The following MPLKIP variants were observed in gnomAD, a reference collection of about 807,000 sequenced individuals.
MPLKIP encodes M-phase-specific PLK1-interacting protein.
MPLKIP carries 16 observed loss-of-function variants against 16.9 expected under a neutral mutation model. That is an observed-to-expected ratio of 0.94 (90% CI 0.64 to 1.43). The LOEUF (loss-of-function observed/expected upper bound fraction) is 1.43, where lower values mean the gene tolerates loss of function less well. MPLKIP is among the 40% of genes most tolerant of loss of function. MPLKIP has a pLI of 0.00. For missense variants in MPLKIP, 282 were observed against 237.6 expected, an observed-to-expected ratio of 1.19 and a Z score of -1.23; for synonymous variants, 126 against 98.4, an observed-to-expected ratio of 1.28 and a Z score of -1.66.
chr7:40,134,584 G>T lies in MPLKIP; in HGVS notation c.-17C>A, dbSNP rs767715729. On this transcript the variant is annotated 5_prime_UTR_variant, in exon 1 of 2. Coordinates refer to ENST00000306984, the MANE Select transcript of MPLKIP (RefSeq NM_138701.4). Reference sequence around the variant, plus strand: ...TCGCTGCATATCAGGAGCCAAAGCCGAAAACCTCGCAGCCGCGTTCTCCCA... The same window carrying T: ...TCGCTGCATATCAGGAGCCAAAGCCTAAAACCTCGCAGCCGCGTTCTCCCA... The T allele has an allele frequency of 1.3e-6, 2 of 1,570,770 alleles. No individual in the cohort carries two copies. The highest frequency in any genetic ancestry group is 1.9e-5 in the Admixed American group (1 of 53,822).
rs1486518650 is a variant in MPLKIP, at chr7:40,134,601, GT to G, written c.-35del. 1 of 1,549,624 alleles carries G rather than the reference GT, an allele frequency of 6.5e-7. No homozygotes were observed. The highest frequency in any genetic ancestry group is 8.7e-7 in the Non-Finnish European group (1 of 1,149,038). The stretch of plus-strand genomic sequence containing the variant: ...CCAAAGCCGAAAACCTCGCAGCCGC[GT>G]TCTCCCACCGGAACTGTATCAACCG... On this transcript the variant is annotated 5_prime_UTR_variant, in exon 1 of 2. Coordinates refer to ENST00000306984, the MANE Select transcript of MPLKIP (RefSeq NM_138701.4).
chr7:40,134,621 T>C lies in MPLKIP; in HGVS notation c.-54A>G. 1 of 1,520,740 alleles carries C rather than the reference T, an allele frequency of 6.6e-7. No homozygotes were observed. The highest frequency in any genetic ancestry group is 8.9e-7 in the Non-Finnish European group (1 of 1,128,078). 94.2% of individuals were successfully genotyped at this position (1,520,740 alleles called of 1,614,324 possible). A position where few individuals can be genotyped will look rare whatever the true frequency, so the allele number is the denominator to read the frequency against. ...GCCGCGTTCTCCCACCGGAACTGTA[T>C]CAACCGGCCCTCCGCAGAGAACTGC... On this transcript the variant is annotated 5_prime_UTR_variant, in exon 1 of 2. Transcript: ENST00000306984.
Position 40,126,310 on chromosome 7 carries a change from G to C in MPLKIP, c.*6749C>G, listed in dbSNP as rs1023629648. 1 of 152,260 alleles carries C rather than the reference G, an allele frequency of 6.6e-6. No homozygotes were observed. The highest frequency in any genetic ancestry group is 2.4e-5 in the African/African-American group (1 of 41,566). 9.4% of individuals were successfully genotyped at this position (152,260 alleles called of 1,614,324 possible). On this transcript the variant is annotated 3_prime_UTR_variant, in exon 2 of 2. Transcript: ENST00000306984. Reference sequence around the variant, plus strand: ...TGGCTTTTGTTTGTACACAATTTTAGATTTATTCATGTTGTATCAAATGGC... The same window carrying C: ...TGGCTTTTGTTTGTACACAATTTTACATTTATTCATGTTGTATCAAATGGC...
intron 1 of MPLKIP, 67 bp downstream of exon 1, chr7:40,134,161 TA>T: frequency 6.6e-7 from 1 of 1,505,968 alleles, no homozygotes; most frequent in Non-Finnish European, 9.0e-7. Context: ...ATAATCCACG[TA>T]AAGGGAATAT....
Position 40,134,506 on chromosome 7 carries a change from C to CAACCTCCTCCACCCG in MPLKIP, c.47_61dup (p.Gly20_Trp21insSerGlyGlyGlyGly). The CAACCTCCTCCACCCG allele has an allele frequency of 1.3e-6, 2 of 1,588,432 alleles. No homozygotes were observed. The highest frequency in any genetic ancestry group is 2.3e-5 in the South Asian group (2 of 87,682). On this transcript the variant is annotated inframe_insertion, in exon 1 of 2. Transcript: ENST00000306984. ...TCCCCGGAAGCTGCTTCCGCTACCCCAACCTCCTCCACCCGGACCAGGGTA... is the reference window on the plus strand; with the variant it reads ...TCCCCGGAAGCTGCTTCCGCTACCCCAACCTCCTCCACCCGAACCTCCTCCACCCGGACCAGGGTA...
In MPLKIP at chr7:40,132,681, G is replaced by A. The variant is rs1787478686; in HGVS notation, c.*378C>T. 1 of 286,764 alleles carries A rather than the reference G, an allele frequency of 3.5e-6. No homozygotes were observed. Among genetic ancestry groups the A allele is most frequent in the African/African-American group, 2.2e-5 (1 of 44,604 alleles). 17.8% of individuals were successfully genotyped at this position (286,764 alleles called of 1,614,324 possible). On this transcript the variant is annotated 3_prime_UTR_variant, in exon 2 of 2. Transcript: ENST00000306984. Reference sequence around the variant, plus strand: ...CAAAACATTTACCTATGAACTCTAAGTGACTACAAAGCATTACTGTAGTAA... The same window carrying A: ...CAAAACATTTACCTATGAACTCTAAATGACTACAAAGCATTACTGTAGTAA...
chr7:40,134,276 G>C lies in MPLKIP; in HGVS notation c.292C>G (p.Gln98Glu). 6.4e-7 allele frequency: 1 copy of C among 1,560,736 alleles called. No individual in the cohort carries two copies. Among genetic ancestry groups the C allele is most frequent in the Non-Finnish European group, 8.7e-7 (1 of 1,152,350 alleles). Residue 98 changes from glutamine to glutamate, a missense_variant, in exon 1 of 2, where the codon CAG (glutamine) becomes GAG (glutamate). Transcript: ENST00000306984. ...GSYSRSPAGS[Q>E]QQFGYSPGQQ... ...CCTGGGGAGTAGCCGAATTGCTGCT[G>C]GGACCCCGCGGGGGACCTGGAGTAG... is the stretch of plus-strand genomic sequence containing the variant.
rs1291044233 is a variant in MPLKIP, at chr7:40,127,916, ACCT to A, written c.*5140_*5142del. ...AAATTAGCCAGGCATGGTGGCTTGC[ACCT>A]GTAATCCCATCTACTCAGGAGGCTA... On this transcript the variant is annotated 3_prime_UTR_variant, in exon 2 of 2. Transcript: ENST00000306984. The A allele has an allele frequency of 4.6e-5, 7 of 152,108 alleles. No homozygotes were observed. Among genetic ancestry groups the A allele is most frequent in the African/African-American group, 1.7e-4 (7 of 41,412 alleles). The allele number at this position is 152,108 out of a possible 1,614,324, so 9.4% of individuals were successfully genotyped here.
chr7:40,132,262 C>A lies in MPLKIP; in HGVS notation c.*797G>T, dbSNP rs370570362. The A allele has an allele frequency of 1.3e-5, 2 of 152,206 alleles. No homozygotes were observed. Among genetic ancestry groups the A allele is most frequent in the African/African-American group, 4.8e-5 (2 of 41,444 alleles). 9.4% of individuals were successfully genotyped at this position (152,206 alleles called of 1,614,324 possible). Reference sequence around the variant, plus strand: ...GTTAATTGGTTCAATAATACAGAAACATGATCTAAGTATGGCAAATTTGTC... The same window carrying A: ...GTTAATTGGTTCAATAATACAGAAAAATGATCTAAGTATGGCAAATTTGTC... On this transcript the variant is annotated 3_prime_UTR_variant, in exon 2 of 2. Transcript: ENST00000306984.
Position 40,133,268 on chromosome 7 carries a change from A to G in MPLKIP, c.340-9T>C. On this transcript the variant is annotated splice_polypyrimidine_tract_variant and intron_variant, in intron 1 of 1. Transcript: ENST00000306984. Reference sequence around the variant, plus strand: ...GATGTCCTTGGAGAACCCTTTAGAAAAAAAATCAGTTAAAAAAACACTTAG... The same window carrying G: ...GATGTCCTTGGAGAACCCTTTAGAAGAAAAATCAGTTAAAAAAACACTTAG... 6.2e-7 allele frequency: 1 copy of G among 1,611,656 alleles called. No homozygotes were observed. Among genetic ancestry groups the G allele is most frequent in the Non-Finnish European group, 8.5e-7 (1 of 1,179,354 alleles).
rs1431862637 is a variant in MPLKIP at position 40,128,912 on chromosome 7, T to C, written c.*4147A>G. On this transcript the variant is annotated 3_prime_UTR_variant, in exon 2 of 2. Transcript: ENST00000306984. ...GCATGGGTGACAGAACAAGACTTCG[T>C]CTCAAAAAAAAAAAAAAAAAAAAAA... 1 of 36,210 alleles carries C rather than the reference T, an allele frequency of 2.8e-5. No individual in the cohort carries two copies. The highest frequency in any genetic ancestry group is 4.9e-5 in the Non-Finnish European group (1 of 20,572). The allele number at this position is 36,210 out of a possible 1,614,324, so 2.2% of individuals were successfully genotyped here. A position where few individuals can be genotyped will look rare whatever the true frequency, so the allele number is the denominator to read the frequency against.
At position 40,126,035 on chromosome 7, in the gene MPLKIP, A is replaced by G. The variant is rs571159832; in HGVS notation, c.*7024T>C. 6.6e-6 allele frequency: 1 copy of G among 152,306 alleles called. No individual in the cohort carries two copies. 9.4% of individuals were successfully genotyped at this position (152,306 alleles called of 1,614,324 possible). A position where few individuals can be genotyped will look rare whatever the true frequency, so the allele number is the denominator to read the frequency against. ...GAGAAAGTAAATATACGTGTATTCC[A>G]TGGTGAGGTTTAATAAATTTTAACA... On this transcript the variant is annotated 3_prime_UTR_variant, in exon 2 of 2. Coordinates refer to ENST00000306984, the MANE Select transcript of MPLKIP (RefSeq NM_138701.4).
chr7:40,134,247 C>T lies in MPLKIP; in HGVS notation c.321G>A (p.Gln107=). ...SQQQFGYSPG[Q]QQTHPQGSPR... Reference sequence around the variant, plus strand: ...TTATTACCTGGGGGTGGGTCTGCTGCTGCCCTGGGGAGTAGCCGAATTGCT... The same window carrying T: ...TTATTACCTGGGGGTGGGTCTGCTGTTGCCCTGGGGAGTAGCCGAATTGCT... The change falls in exon 1 of 2, where the codon CAG becomes CAA. Residue 107 remains glutamine (Q), a synonymous_variant. Coordinates refer to ENST00000306984, the MANE Select transcript of MPLKIP (RefSeq NM_138701.4). The T allele has an allele frequency of 2.6e-6, 4 of 1,557,864 alleles. No homozygotes were observed. Among genetic ancestry groups the T allele is most frequent in the Non-Finnish European group, 3.5e-6 (4 of 1,150,682 alleles).
At position 40,131,382 on chromosome 7, in the gene MPLKIP, C is replaced by T. The variant is rs527624259; in HGVS notation, c.*1677G>A. 1 of 152,100 alleles carries T rather than the reference C, an allele frequency of 6.6e-6. No homozygotes were observed. The highest frequency in any genetic ancestry group is 6.5e-5 in the Admixed American group (1 of 15,298). 9.4% of individuals were successfully genotyped at this position (152,100 alleles called of 1,614,324 possible). ...TTCGTATTTTGTAACTTCAAAATGC[C>T]TAGAGTCTGTGTTACATGTTAAAAC... On this transcript the variant is annotated 3_prime_UTR_variant, in exon 2 of 2. Coordinates refer to ENST00000306984, the MANE Select transcript of MPLKIP (RefSeq NM_138701.4).
At position 40,130,723 on chromosome 7, in the gene MPLKIP, TA is replaced by T. The variant is rs955223352; in HGVS notation, c.*2335del. The T allele has an allele frequency of 6.6e-6, 1 of 152,212 alleles. No homozygotes were observed. Among genetic ancestry groups the T allele is most frequent in the African/African-American group, 2.4e-5 (1 of 41,462 alleles). The allele number at this position is 152,212 out of a possible 1,614,324, so 9.4% of individuals were successfully genotyped here. ...TACCTATAAAGTTCAATAAAGTATT[TA>T]AAAAAGTATTCCCTTTGCTTTAATT... On this transcript the variant is annotated 3_prime_UTR_variant, in exon 2 of 2. Transcript: ENST00000306984.
At position 40,128,579 on chromosome 7, in the gene MPLKIP, G is replaced by C. The variant is rs1001507027; in HGVS notation, c.*4480C>G. The C allele has an allele frequency of 5.9e-5, 9 of 152,138 alleles. No individual in the cohort carries two copies. The highest frequency in any genetic ancestry group is 7.2e-5 in the African/African-American group (3 of 41,426). 9.4% of individuals were successfully genotyped at this position (152,138 alleles called of 1,614,324 possible). ...GATATCATGCAAACTATGCTACTGA[G>C]ACAGGAATTGAGATATCTTCATCAG... On this transcript the variant is annotated 3_prime_UTR_variant, in exon 2 of 2. Coordinates refer to ENST00000306984, the MANE Select transcript of MPLKIP (RefSeq NM_138701.4).
At position 40,128,366 on chromosome 7, in the gene MPLKIP, T is replaced by C. The variant is rs981251332; in HGVS notation, c.*4693A>G. 4.6e-5 allele frequency: 7 copies of C among 152,126 alleles called. No homozygotes were observed. Among genetic ancestry groups the C allele is most frequent in the African/African-American group, 1.4e-4 (6 of 41,420 alleles). The allele number at this position is 152,126 out of a possible 1,614,324, so 9.4% of individuals were successfully genotyped here. ...GGAGACTTTGGCCTATGTAAAACAATTAATATGGAATTTATAGAACCTAAT... is the reference window on the plus strand; with the variant it reads ...GGAGACTTTGGCCTATGTAAAACAACTAATATGGAATTTATAGAACCTAAT... On this transcript the variant is annotated 3_prime_UTR_variant, in exon 2 of 2. Coordinates refer to ENST00000306984, the MANE Select transcript of MPLKIP (RefSeq NM_138701.4).
At position 40,134,278 on chromosome 7, in the gene MPLKIP, G is replaced by A; in HGVS notation, c.290C>T (p.Ser97Phe). Residue 97 changes from serine (S) to phenylalanine (F), a missense_variant, in exon 1 of 2, where the codon TCC (serine) becomes TTC (phenylalanine). Ser to Phe is a radical substitution (Grantham distance 155, BLOSUM62 -2). Transcript: ENST00000306984. Reference sequence around the variant, plus strand: ...TGGGGAGTAGCCGAATTGCTGCTGGGACCCCGCGGGGGACCTGGAGTAGGA... The same window carrying A: ...TGGGGAGTAGCCGAATTGCTGCTGGAACCCCGCGGGGGACCTGGAGTAGGA... Reference protein sequence around the residue: ...PGSYSRSPAGSQQQFGYSPGQ... With the variant: ...PGSYSRSPAGFQQQFGYSPGQ... 1.3e-6 allele frequency: 2 copies of A among 1,560,830 alleles called. No homozygotes were observed. Among genetic ancestry groups the A allele is most frequent in the Non-Finnish European group, 1.7e-6 (2 of 1,152,402 alleles).
At position 40,126,373 on chromosome 7, in the gene MPLKIP, A is replaced by T. The variant is rs987534052; in HGVS notation, c.*6686T>A. ...AACTATCTTGTTATACTGTGCAAAT[A>T]TGCAACTTATTTATCCTTTCTCCTA... On this transcript the variant is annotated 3_prime_UTR_variant, in exon 2 of 2. Coordinates refer to ENST00000306984, the MANE Select transcript of MPLKIP (RefSeq NM_138701.4). 6.6e-6 allele frequency: 1 copy of T among 152,240 alleles called. No individual in the cohort carries two copies. Among genetic ancestry groups the T allele is most frequent in the Non-Finnish European group, 1.5e-5 (1 of 68,040 alleles). 9.4% of individuals were successfully genotyped at this position (152,240 alleles called of 1,614,324 possible). A position where few individuals can be genotyped will look rare whatever the true frequency, so the allele number is the denominator to read the frequency against.
Sources: gnomAD v4.1 joint callset for allele counts on GRCh38, gnomAD v4.1.1 for gene constraint, MANE v1.5 for transcripts, NCBI Gene and HGNC (gene_info 2026-07-23, HGNC 2026-07-21) for gene names.